Variants in CDK15 observed in about 807,000 individuals in gnomAD.
CDK15 encodes cyclin-dependent kinase 15.
In CDK15, 62 loss-of-function variants were observed where a neutral mutation model predicts 60.3. The observed-to-expected ratio is 1.03, with a 90% CI of 0.84 to 1.27. The LOEUF (loss-of-function observed/expected upper bound fraction) is 1.27, where lower values mean the gene tolerates loss of function less well. CDK15 is among the 50% of genes most tolerant of loss of function. The probability of loss-of-function intolerance (pLI) is 0.00; values close to 1 mark genes in which losing one functional copy is unlikely to be tolerated. For synonymous variants in CDK15, 194 were observed against 195.7 expected (o/e 0.99, Z 0.07); for missense variants, 541 against 527.8 (o/e 1.03, Z -0.25).
At chr2:201,822,945 C>G in intron 5 of CDK15, 42 bp downstream of exon 5, 1 of 1,094,612 alleles carries the variant, frequency 9.1e-7, no homozygotes, top group Non-Finnish European at 1.4e-6. Flanking sequence ...GAAAAATAAC[C>G]TGGTACTTGT....
chr2:201,841,189 G>A (rs1697361630), intron 8 of CDK15, among the ~76,000 whole-genome samples: 1 of 152,180 alleles, frequency 6.6e-6, no homozygotes, highest in African/African-American at 2.4e-5. Context: ...CAAAACCATA[G>A]TTGCTTTTGC....
chr2:201,843,027 T>C (rs1697471184), intron 8 of CDK15, among the ~76,000 whole-genome samples: 1 of 152,182 alleles, frequency 6.6e-6, no homozygotes, highest in African/African-American at 2.4e-5. Flanking sequence ...TGGTTCCCTA[T>C]CTGGACTTGA....
chr2:201,886,526 TG>T (rs1233670484), intron 12 of CDK15, among the ~76,000 whole-genome samples: 1 of 152,158 alleles, frequency 6.6e-6, no homozygotes, highest in Non-Finnish European at 1.5e-5. Flanking sequence ...GGTTTCACCA[TG>T]TTGGCCAGGC....
intron 11 of CDK15, 133 bp from the exon 12 acceptor site, chr2:201,879,895 T>C: frequency 8.2e-7 from 1 of 1,220,098 alleles, no homozygotes; most frequent in Non-Finnish European, 1.1e-6. Context: ...CCATCAACTT[T>C]AGCAATTCCA....
At chr2:201,867,346 C>T (rs973728498) in intron 10 of CDK15, among the ~76,000 whole-genome samples, 42 of 152,232 alleles carry the variant, frequency 2.8e-4, no homozygotes, top group Middle Eastern at 3.4e-3. Context: ...AATAACAGCC[C>T]AGGCATGGTG....
At chr2:201,840,229 C>A (rs1276936261) in intron 8 of CDK15, among the ~76,000 whole-genome samples, 1 of 152,148 alleles carries the variant, frequency 6.6e-6, no homozygotes, top group Non-Finnish European at 1.5e-5. Flanking sequence ...AGGTGATCAG[C>A]CTCCCAAAGT....
At chr2:201,888,647 A>G (rs1019246455) in intron 12 of CDK15, 49 of 1,374,996 alleles carry the variant, frequency 3.6e-5, no homozygotes, top group Non-Finnish European at 4.4e-5. Flanking sequence ...AGAGTCTGGC[A>G]GTCCACAGCC....
intron 10 of CDK15, among the ~76,000 whole-genome samples, chr2:201,855,251 C>T (rs1698095803): frequency 6.6e-6 from 1 of 152,202 alleles, no homozygotes; most frequent in Non-Finnish European, 1.5e-5. Context: ...AAGATGGGCT[C>T]ACTTTTGGGC....
rs76041220 is a variant in CDK15, at chr2:201,808,404, G to A, written c.368+452G>A. 4.3e-4 allele frequency among the ~76,000 whole-genome samples: 66 copies of A among 152,190 alleles called. 1 individual carries two copies. In the East Asian group the frequency reaches 0.01, roughly 24 times the overall value. On this transcript the variant is annotated intron_variant, in intron 3 of 13. Coordinates refer to ENST00000652192, the MANE Select transcript of CDK15 (RefSeq NM_001366386.2). ...GGCCTTTATAGAAGAAACTGAAGTT[G>A]GTTTCTGCAAATTATGGTACATGCA...
At chr2:201,838,973 G>A (rs542319865) in intron 8 of CDK15, among the ~76,000 whole-genome samples, 29 of 151,140 alleles carry the variant, frequency 1.9e-4, no homozygotes, top group Non-Finnish European at 3.5e-4. Context: ...ACGGAGTCTC[G>A]CTCGTCGCCC....
chr2:201,870,536 G>A (rs865975970), intron 10 of CDK15, among the ~76,000 whole-genome samples: 27 of 144,714 alleles, frequency 1.9e-4, no homozygotes, highest in South Asian at 2.2e-4. Context: ...AAAAAAAAGC[G>A]AGACTCCCAT....
At chr2:201,833,408 G>A (rs1289957416) in intron 6 of CDK15, among the ~76,000 whole-genome samples, 1 of 151,998 alleles carries the variant, frequency 6.6e-6, no homozygotes, top group Non-Finnish European at 1.5e-5. Context: ...TTTCATATTG[G>A]AGAGCCTGGA....
At chr2:201,821,636 C>T (rs973762504) in intron 4 of CDK15, among the ~76,000 whole-genome samples, 3 of 152,102 alleles carry the variant, frequency 2.0e-5, no homozygotes, top group South Asian at 4.1e-4. Flanking sequence ...TTTAAAGACA[C>T]GATTTCTTCA....
rs571612496 is a variant in CDK15 at position 201,883,435 on chromosome 2, C to T, written c.1198+3268C>T. 1.5e-4 allele frequency among the ~76,000 whole-genome samples: 23 copies of T among 152,270 alleles called. No individual in the cohort carries two copies. In the East Asian group the frequency reaches 1.7e-3, roughly 12 times the overall value. On this transcript the variant is annotated intron_variant, in intron 12 of 13. Transcript: ENST00000652192. Reference sequence around the variant, plus strand: ...CTATTTTCATGACGCTGAGAAGTCCCGAACAATGCTTTCCCTAGGTTGTGG... The same window carrying T: ...CTATTTTCATGACGCTGAGAAGTCCTGAACAATGCTTTCCCTAGGTTGTGG...
intron 2 of CDK15, 39 bp from the exon 3 acceptor site, chr2:201,807,819 C>A: frequency 6.3e-7 from 1 of 1,578,458 alleles, no homozygotes. Flanking sequence ...TTTCTCTCTT[C>A]CCTTTCACCC....
chr2:201,833,515 C>T (rs1246241536), intron 6 of CDK15, among the ~76,000 whole-genome samples: 1 of 152,078 alleles, frequency 6.6e-6, no homozygotes, highest in East Asian at 1.9e-4. Flanking sequence ...AAATCTTTCA[C>T]ATCTAAATCA....
At chr2:201,873,106 G>A (rs1252419058) in intron 11 of CDK15, among the ~76,000 whole-genome samples, 1 of 148,572 alleles carries the variant, frequency 6.7e-6, no homozygotes, top group Admixed American at 6.8e-5. Context: ...GTTTTTCCCT[G>A]AAAATATGGT....
At chr2:201,843,876 T>G (rs1697512844) in intron 8 of CDK15, among the ~76,000 whole-genome samples, 1 of 148,430 alleles carries the variant, frequency 6.7e-6, no homozygotes, top group African/African-American at 2.5e-5. Flanking sequence ...TGTATACAAG[T>G]TTAGTGGTAT....
At chr2:201,854,965 T>A in intron 10 of CDK15, 28 bp downstream of exon 10, 1 of 1,606,042 alleles carries the variant, frequency 6.2e-7, no homozygotes, top group Non-Finnish European at 8.5e-7. Context: ...TTCTGAATAC[T>A]CTGAGAATTA....
Sources: allele counts gnomAD v4.1 joint callset (sites outside exome capture counted in the v4.1 genomes callset), GRCh38; gene constraint gnomAD v4.1.1; transcripts MANE v1.5; gene names NCBI Gene and HGNC (gene_info 2026-07-23, HGNC 2026-07-21).